The following SUB1 variants were observed in gnomAD, a reference collection of about 807,000 sequenced individuals.
SUB1 encodes SUB1 regulator of transcription.
A neutral mutation model predicts 16.9 loss-of-function variants in SUB1; 1 was observed. The ratio of observed to expected loss-of-function variants is 0.06; its 90% CI spans 0.02 to 0.28. SUB1 has a LOEUF of 0.28. Ranked by LOEUF, SUB1 falls within the 10% of genes least tolerant of loss-of-function variation. The pLI is 1.00. For missense variants in SUB1, 84 were observed against 145.2 expected, an observed-to-expected ratio of 0.58 and a Z score of 2.16; for synonymous variants, 51 against 46.9, an observed-to-expected ratio of 1.09 and a Z score of -0.36.
rs1419359730 is a variant in SUB1, at chr5:32,601,870, T to A, written c.*786T>A. ...GATGAGATGTCTGACTTGCTTTCAC[T>A]TATTAAACATGTTCACCATGGGATG... On this transcript the variant is annotated 3_prime_UTR_variant, in exon 5 of 5. Transcript: ENST00000265073. The A allele has an allele frequency of 6.2e-6, 1 of 161,148 alleles. No homozygotes were observed. Among genetic ancestry groups the A allele is most frequent in the Non-Finnish European group, 1.4e-5 (1 of 73,184 alleles). 10.0% of individuals were successfully genotyped at this position (161,148 alleles called of 1,614,324 possible).
chr5:32,590,798 C>T (rs867261807), intron 2 of SUB1, among the ~76,000 whole-genome samples: 13 of 38,046 alleles, frequency 3.4e-4, no homozygotes, highest in Admixed American at 2.9e-3. Flanking sequence ...GATGGAGTAT[C>T]GCTCTGTTGC....
rs372257363 is a variant in SUB1 at position 32,600,979 on chromosome 5, C to G, written c.305-26C>G. The G allele has an allele frequency of 5.0e-6, 8 of 1,591,080 alleles. No individual in the cohort carries two copies. In the African/African-American group the frequency reaches 1.1e-4, roughly 21 times the overall value. On this transcript the variant is annotated intron_variant, in intron 4 of 4. Coordinates refer to ENST00000265073, the MANE Select transcript of SUB1 (RefSeq NM_006713.4). ...CCTCAACGCTTAAATAGATTTTCACCTTTGAATTTTTAAACTTTGTTTTAG... is the reference window on the plus strand; with the variant it reads ...CCTCAACGCTTAAATAGATTTTCACGTTTGAATTTTTAAACTTTGTTTTAG...
At chr5:32,593,756 G>A (rs1738888745) in intron 3 of SUB1, among the ~76,000 whole-genome samples, 2 of 151,688 alleles carry the variant, frequency 1.3e-5, no homozygotes, top group Non-Finnish European at 2.9e-5. Context: ...GCAGTAGCAC[G>A]AATCTCGGCT....
At chr5:32,590,586 A>G (rs544344816) in intron 2 of SUB1, among the ~76,000 whole-genome samples, 8 of 150,732 alleles carry the variant, frequency 5.3e-5, no homozygotes, top group Non-Finnish European at 8.9e-5. Flanking sequence ...CTAATTGTAA[A>G]TTCCTTTTTT....
intron 4 of SUB1, among the ~76,000 whole-genome samples, chr5:32,600,227 C>T (rs1266065394): frequency 6.6e-6 from 1 of 152,224 alleles, no homozygotes; most frequent in Non-Finnish European, 1.5e-5. Context: ...CGGGTATACT[C>T]TCTGAGGAGT....
intron 1 of SUB1, 80 bp from the exon 2 acceptor site, chr5:32,588,432 T>C (rs965107907): frequency 1.5e-6 from 2 of 1,292,072 alleles, no homozygotes; most frequent in South Asian, 2.8e-5. Context: ...TCCTTGATTT[T>C]TTTCTTTGAT....
chr5:32,595,284 G>GA (rs1738931301), intron 3 of SUB1: 1 of 151,854 alleles, frequency 6.6e-6, no homozygotes, highest in Non-Finnish European at 1.5e-5. Flanking sequence ...AAATGTACAC[G>GA]CCTTTGTGGC....
intron 3 of SUB1, among the ~76,000 whole-genome samples, chr5:32,592,771 G>A (rs1365585391): frequency 6.6e-6 from 1 of 152,154 alleles, no homozygotes; most frequent in Non-Finnish European, 1.5e-5. Context: ...AAATGTTCAT[G>A]TGGGATTATC....
In SUB1 at chr5:32,588,507, T is replaced by C. The variant is rs1335925688; in HGVS notation, c.-1-5T>C. ...AATTATTTTTGTAATGTATTTTTCT[T>C]TCAGGATGCCTAAATCAAAGGAACT... is the stretch of plus-strand genomic sequence containing the variant. On this transcript the variant is annotated splice_region_variant and splice_polypyrimidine_tract_variant and intron_variant, in intron 1 of 4. Coordinates refer to ENST00000265073, the MANE Select transcript of SUB1 (RefSeq NM_006713.4). 6.2e-7 allele frequency: 1 copy of C among 1,611,174 alleles called. No homozygotes were observed. Among genetic ancestry groups the C allele is most frequent in the South Asian group, 1.1e-5 (1 of 90,904 alleles).
intron 3 of SUB1, among the ~76,000 whole-genome samples, chr5:32,592,855 G>C (rs16889957): frequency 3.9e-5 from 6 of 152,008 alleles, no homozygotes; most frequent in African/African-American, 1.5e-4. Context: ...GGGATGTCTT[G>C]GGTTATATTC....
chr5:32,595,092 A>G (rs1337116816), intron 3 of SUB1: 3 of 151,996 alleles, frequency 2.0e-5, no homozygotes, highest in African/African-American at 7.3e-5. Context: ...CTATACTACT[A>G]TCTCATCACT....
chr5:32,593,546 TG>T (rs1561034923), intron 3 of SUB1, among the ~76,000 whole-genome samples: 1 of 152,214 alleles, frequency 6.6e-6, no homozygotes, highest in Non-Finnish European at 1.5e-5. Flanking sequence ...AGAGGAGTTT[TG>T]TGAAAACTAG....
chr5:32,602,274 T>G lies in SUB1; in HGVS notation c.*1190T>G, dbSNP rs1739133705. ...GTGTGCCTTAGGAAAAGAATGTTTA[T>G]AAAGGGAATTATAACTGAAATTAAA... On this transcript the variant is annotated 3_prime_UTR_variant, in exon 5 of 5. Transcript: ENST00000265073. 1 of 451,900 alleles carries G rather than the reference T, an allele frequency of 2.2e-6. No individual in the cohort carries two copies. Among genetic ancestry groups the G allele is most frequent in the Non-Finnish European group, 4.4e-6 (1 of 225,894 alleles). 28.0% of individuals were successfully genotyped at this position (451,900 alleles called of 1,614,324 possible).
chr5:32,589,035 C>T (rs1219965382), intron 2 of SUB1, among the ~76,000 whole-genome samples: 1 of 151,962 alleles, frequency 6.6e-6, no homozygotes, highest in African/African-American at 2.4e-5. Flanking sequence ...TCTAAGTAGG[C>T]CAAAGTCACT....
chr5:32,587,127 A>G (rs897347352), intron 1 of SUB1, among the ~76,000 whole-genome samples: 3 of 152,210 alleles, frequency 2.0e-5, no homozygotes, highest in Non-Finnish European at 2.9e-5. Context: ...TTGGAACGCT[A>G]AGCATGTGGG....
At chr5:32,593,472 GAT>G (rs1041531710) in intron 3 of SUB1, among the ~76,000 whole-genome samples, 7 of 151,884 alleles carry the variant, frequency 4.6e-5, no homozygotes, top group African/African-American at 1.7e-4. Flanking sequence ...AGGTAAAAAA[GAT>G]AGACAAAGTG....
intron 3 of SUB1, chr5:32,594,591 C>T (rs886330032): frequency 1.8e-5 from 8 of 454,872 alleles, no homozygotes; most frequent in African/African-American, 6.0e-5. Flanking sequence ...TAACCTTTAT[C>T]ACAGGGGTCC....
chr5:32,597,900 AC>A (rs1739009488), intron 3 of SUB1: 1 of 152,176 alleles, frequency 6.6e-6, no homozygotes, highest in African/African-American at 2.4e-5. Context: ...GAGAAAAATT[AC>A]ATTTTACTGT....
intron 4 of SUB1, among the ~76,000 whole-genome samples, chr5:32,599,867 A>G (rs1356021706): frequency 6.6e-6 from 1 of 151,874 alleles, no homozygotes; most frequent in Admixed American, 6.6e-5. Context: ...TTCTGGGAAT[A>G]CTTTCTGCCA....
Sources: gnomAD v4.1 joint callset for allele counts (sites outside exome capture counted in the v4.1 genomes callset) on GRCh38, gnomAD v4.1.1 for gene constraint, MANE v1.5 for transcripts, NCBI Gene and HGNC (gene_info 2026-07-23, HGNC 2026-07-21) for gene names.